The following CPSF3 variants were observed in gnomAD, a reference collection of about 807,000 sequenced individuals.
CPSF3 encodes the protein cleavage and polyadenylation specific factor 3.
Under a neutral mutation model 84.1 loss-of-function variants are expected in CPSF3, and 57 were observed. The observed-to-expected ratio is 0.68, with a 90% confidence interval of 0.55 to 0.85. The LOEUF is 0.85. CPSF3 is among the 40% of genes least tolerant of loss of function. The probability of loss-of-function intolerance (pLI) is 0.00; values close to 1 mark genes in which losing one functional copy is unlikely to be tolerated. For missense variants in CPSF3, 522 were observed against 838.8 expected, an observed-to-expected ratio of 0.62 and a Z score of 4.66; for synonymous variants, 275 against 278.1, an observed-to-expected ratio of 0.99 and a Z score of 0.11.
chr2:9,468,216 T>C (rs1392368217), intron 16 of CPSF3, among the ~76,000 whole-genome samples: 2 of 152,194 alleles, frequency 1.3e-5, no homozygotes, highest in Non-Finnish European at 2.9e-5. Flanking sequence ...TAAGTATTTC[T>C]TTTTATTTTA....
chr2:9,463,558 C>A (rs1365904467), intron 15 of CPSF3, among the ~76,000 whole-genome samples: 1 of 152,218 alleles, frequency 6.6e-6, no homozygotes, highest in Admixed American at 6.5e-5. Context: ...AGTTGTCACT[C>A]GTGGGGCTAA....
chr2:9,451,018 G>A (rs1311085720), intron 11 of CPSF3, among the ~76,000 whole-genome samples: 3 of 151,574 alleles, frequency 2.0e-5, no homozygotes, highest in African/African-American at 7.3e-5. Flanking sequence ...AATATACTCA[G>A]TTGAGAATCT....
chr2:9,432,191 T>TG (rs1680613313), intron 4 of CPSF3, among the ~76,000 whole-genome samples: 2 of 152,082 alleles, frequency 1.3e-5, no homozygotes, highest in African/African-American at 4.8e-5. Flanking sequence ...AGTGTTGGGG[T>TG]GGGAAAAAAG....
chr2:9,440,386 C>T, intron 7 of CPSF3, 105 bp from the exon 8 acceptor site: 1 of 906,246 alleles, frequency 1.1e-6, no homozygotes, highest in Non-Finnish European at 1.6e-6. Flanking sequence ...TGCTTTATTT[C>T]TTGGTTGTAT....
chr2:9,448,851 G>A (rs994743989), intron 11 of CPSF3, among the ~76,000 whole-genome samples: 5 of 152,076 alleles, frequency 3.3e-5, no homozygotes, highest in South Asian at 2.1e-4. Flanking sequence ...CACCGTGCCC[G>A]GCCTAGATTA....
chr2:9,447,023 C>T (rs541944716), intron 10 of CPSF3, among the ~76,000 whole-genome samples: 34 of 152,066 alleles, frequency 2.2e-4, no homozygotes, highest in Non-Finnish European at 4.1e-4. Context: ...TGCCTGTAGT[C>T]CCAGCTACCT....
intron 10 of CPSF3, among the ~76,000 whole-genome samples, chr2:9,446,694 C>T (rs1681138712): frequency 6.6e-6 from 1 of 151,630 alleles, no homozygotes; most frequent in South Asian, 2.1e-4. Context: ...GAGGCAGAGG[C>T]TGCAGTGAGC....
intron 7 of CPSF3, among the ~76,000 whole-genome samples, chr2:9,437,066 G>T (rs1178469643): frequency 1.3e-5 from 2 of 152,094 alleles, no homozygotes; most frequent in Non-Finnish European, 2.9e-5. Context: ...TACATACTTT[G>T]CACATAATAT....
intron 11 of CPSF3, 94 bp from the exon 12 acceptor site, chr2:9,452,819 G>A (rs1348076373): frequency 2.7e-6 from 2 of 730,332 alleles, no homozygotes; most frequent in East Asian, 2.6e-5. Context: ...TAGTTCAAAG[G>A]TGTTATGGTC....
intron 10 of CPSF3, among the ~76,000 whole-genome samples, chr2:9,446,506 G>C (rs1263066858): frequency 2.0e-5 from 3 of 151,662 alleles, no homozygotes; most frequent in Admixed American, 6.6e-5. Context: ...GCGTGAACCT[G>C]GGAGGCGGAG....
At chr2:9,466,083 G>C (rs1037228511) in intron 15 of CPSF3, among the ~76,000 whole-genome samples, 1 of 152,174 alleles carries the variant, frequency 6.6e-6, no homozygotes, top group Admixed American at 6.5e-5. Context: ...GCTCACACCT[G>C]TAATCCCAGC....
At chr2:9,466,898 C>A (rs1682001014) in intron 15 of CPSF3, among the ~76,000 whole-genome samples, 1 of 152,166 alleles carries the variant, frequency 6.6e-6, no homozygotes, top group African/African-American at 2.4e-5. Flanking sequence ...TTTTGTTTAT[C>A]CATTCATCTG....
At chr2:9,449,426 A>AAAAC (rs368476985) in intron 11 of CPSF3, among the ~76,000 whole-genome samples, 1 of 152,012 alleles carries the variant, frequency 6.6e-6, no homozygotes, top group Non-Finnish European at 1.5e-5. Context: ...ACTGTGTCTC[A>AAAAC]AAACAAACAA....
At position 9,426,017 on chromosome 2, in the gene CPSF3, T is replaced by C. The variant is rs566669473; in HGVS notation, c.50+2194T>C. 9.2e-5 allele frequency among the ~76,000 whole-genome samples: 14 copies of C among 152,360 alleles called. No homozygotes were observed. In the East Asian group the frequency reaches 2.7e-3, roughly 29 times the overall value. ...TGATCATACAATACATACTCTTTTG[T>C]CTCTGGCATCTTTCATTTAGCATAA... On this transcript the variant is annotated intron_variant, in intron 1 of 17. Coordinates refer to ENST00000238112, the MANE Select transcript of CPSF3 (RefSeq NM_016207.4).
chr2:9,462,356 A>G (rs150669596), intron 15 of CPSF3, among the ~76,000 whole-genome samples: 22 of 152,362 alleles, frequency 1.4e-4, no homozygotes, highest in East Asian at 1.2e-3. Flanking sequence ...AAATTGATAT[A>G]CTTTTCTGAA....
In CPSF3 at chr2:9,467,692, T is replaced by C. The variant is rs747949838; in HGVS notation, c.1787-15T>C. The C allele has an allele frequency of 7.9e-7, 1 of 1,264,822 alleles. No homozygotes were observed. Among genetic ancestry groups the C allele is most frequent in the South Asian group, 1.6e-5 (1 of 63,864 alleles). The allele number at this position is 1,264,822 out of a possible 1,614,324, so 78.3% of individuals were successfully genotyped here. A position where few individuals can be genotyped will look rare whatever the true frequency, so the allele number is the denominator to read the frequency against. On this transcript the variant is annotated splice_polypyrimidine_tract_variant and intron_variant, in intron 15 of 17. Coordinates refer to ENST00000238112, the MANE Select transcript of CPSF3 (RefSeq NM_016207.4). ...ATTTAGAAACTGAACTCTCTGTCGC[T>C]TTTTTTTTTCCCAGGTGCAGTACAG...
intron 10 of CPSF3, among the ~76,000 whole-genome samples, chr2:9,447,412 G>A (rs1681163007): frequency 1.3e-5 from 2 of 152,098 alleles, no homozygotes; most frequent in South Asian, 4.1e-4. Context: ...CCTGGAGGTT[G>A]AGGCTGCAGT....
chr2:9,467,981 C>T (rs527287936), intron 16 of CPSF3: 2 of 470,858 alleles, frequency 4.2e-6, no homozygotes, highest in South Asian at 8.0e-5. Context: ...GCTAGGTCAG[C>T]CGTTTGTGTT....
chr2:9,459,598 C>A lies in CPSF3; in HGVS notation c.1766C>A (p.Ser589Ter). 3.9e-6 allele frequency: 4 copies of A among 1,028,272 alleles called. No individual in the cohort carries two copies. The highest frequency in any genetic ancestry group is 5.7e-6 in the Non-Finnish European group (4 of 697,980). The allele number at this position is 1,028,272 out of a possible 1,614,324, so 63.7% of individuals were successfully genotyped here. A position where few individuals can be genotyped will look rare whatever the true frequency, so the allele number is the denominator to read the frequency against. The change falls in exon 15 of 18, where the codon TCA (serine) becomes TAA (stop). Residue 589 changes from serine (S) to a stop codon, truncating the protein, a stop_gained. Coordinates refer to ENST00000238112, the MANE Select transcript of CPSF3 (RefSeq NM_016207.4). LOFTEE classifies it high-confidence loss of function. The part of the protein sequence containing the change: ...TVTTVILEVQ[S>*]NPKIRKGAVQ... ...ACAACTGTGATATTGGAAGTTCAGT[C>A]AAATCCCAAAATAAGAAAAGGTAAG... is the stretch of plus-strand genomic sequence containing the variant.
Sources: allele counts gnomAD v4.1 joint callset (sites outside exome capture counted in the v4.1 genomes callset), GRCh38; gene constraint gnomAD v4.1.1; transcripts MANE v1.5; gene names NCBI Gene and HGNC (gene_info 2026-07-23, HGNC 2026-07-21).